The following SNTG1 variants were observed in gnomAD, a reference collection of about 807,000 sequenced individuals.
SNTG1 encodes the protein syntrophin gamma 1.
A neutral mutation model predicts 74.7 loss-of-function variants in SNTG1; 39 were observed. That is an observed-to-expected ratio of 0.52 (90% CI 0.40 to 0.68). SNTG1 has a LOEUF of 0.68. Ranked by LOEUF, SNTG1 falls within the 30% of genes least tolerant of loss-of-function variation. The probability of loss-of-function intolerance (pLI) is 0.00; values close to 1 mark genes in which losing one functional copy is unlikely to be tolerated. For missense variants in SNTG1, 685 were observed against 609.5 expected (o/e 1.12, Z -1.30); for synonymous variants, 254 against 217.1 (o/e 1.17, Z -1.49).
At chr8:50,456,783 A>G (rs1431043090) in intron 8 of SNTG1, among the ~76,000 whole-genome samples, 4 of 152,120 alleles carry the variant, frequency 2.6e-5, no homozygotes, top group Admixed American at 2.6e-4. Flanking sequence ...GGAGGGCCCC[A>G]GCCGATTTCC....
chr8:50,243,452 C>T (rs562185255), intron 2 of SNTG1, among the ~76,000 whole-genome samples: 1 of 152,272 alleles, frequency 6.6e-6, no homozygotes, highest in South Asian at 2.1e-4. Flanking sequence ...TCCATCTCTA[C>T]TGTATCCATC....
chr8:50,478,514 A>G (rs57342544), intron 8 of SNTG1, among the ~76,000 whole-genome samples: 318 of 152,302 alleles, frequency 2.1e-3, no homozygotes, highest in African/African-American at 7.4e-3. Flanking sequence ...GCCACTTCCT[A>G]ATCACTAGTT....
At chr8:50,402,539 C>T (rs4367560) in intron 4 of SNTG1, among the ~76,000 whole-genome samples, 195 bp downstream of exon 4, 144,137 of 152,226 alleles carry the variant, frequency 0.95, 68,515 homozygotes, top group Non-Finnish European at 1. Flanking sequence ...ACACATATTT[C>T]GGGCCCATCT....
intron 2 of SNTG1, among the ~76,000 whole-genome samples, chr8:50,269,063 C>T (rs532631235): frequency 5.9e-5 from 9 of 152,230 alleles, no homozygotes; most frequent in South Asian, 2.1e-4. Flanking sequence ...GTAAAAGGGG[C>T]TAAACCTTAC....
At chr8:50,198,283 G>A (rs190448290) in intron 2 of SNTG1, among the ~76,000 whole-genome samples, 1 of 152,212 alleles carries the variant, frequency 6.6e-6, no homozygotes, top group Non-Finnish European at 1.5e-5. Context: ...TGGCAGTGGG[G>A]AGAAGGGAAA....
chr8:50,725,921 G>A (rs1171217517), intron 17 of SNTG1, among the ~76,000 whole-genome samples: 1 of 152,158 alleles, frequency 6.6e-6, no homozygotes, highest in Non-Finnish European at 1.5e-5. Flanking sequence ...CGCTTCCTGA[G>A]TGTGACTGTA....
intron 1 of SNTG1, among the ~76,000 whole-genome samples, chr8:49,935,100 C>T (rs777113952): frequency 4.0e-5 from 6 of 151,690 alleles, no homozygotes. Context: ...ATAAAACTGA[C>T]CAAACAGTTG....
intron 1 of SNTG1, among the ~76,000 whole-genome samples, chr8:49,962,254 A>T (rs186870791): frequency 1.3e-5 from 2 of 151,800 alleles, no homozygotes; most frequent in African/African-American, 4.8e-5. Flanking sequence ...AGCAGATGAG[A>T]CTAGCCCTGG....
At chr8:50,025,071 A>G (rs954119369) in intron 1 of SNTG1, among the ~76,000 whole-genome samples, 1 of 152,142 alleles carries the variant, frequency 6.6e-6, no homozygotes, top group Non-Finnish European at 1.5e-5. Context: ...TACCAGTTGT[A>G]TTTACTGAAA....
intron 1 of SNTG1, among the ~76,000 whole-genome samples, chr8:50,112,221 C>T (rs1383289410): frequency 6.6e-6 from 1 of 151,860 alleles, no homozygotes; most frequent in East Asian, 1.9e-4. Context: ...TGTAATCACC[C>T]TAATTATAAT....
intron 18 of SNTG1, among the ~76,000 whole-genome samples, chr8:50,753,479 G>A (rs1478908153): frequency 6.6e-6 from 1 of 151,956 alleles, no homozygotes. Context: ...CAGCGGTACA[G>A]TATTCAGTTG....
At chr8:50,368,085 C>T (rs1207615617) in intron 2 of SNTG1, among the ~76,000 whole-genome samples, 1 of 152,022 alleles carries the variant, frequency 6.6e-6, no homozygotes, top group Non-Finnish European at 1.5e-5. Flanking sequence ...GGGCTTCACT[C>T]TTCTTAGAAA....
At chr8:50,413,196 G>C (rs148893930) in intron 4 of SNTG1, among the ~76,000 whole-genome samples, 1 of 152,012 alleles carries the variant, frequency 6.6e-6, no homozygotes, top group South Asian at 2.1e-4. Flanking sequence ...AGTTCAAGAG[G>C]GTTATGATCA....
chr8:50,757,250 A>G (rs72645837), intron 18 of SNTG1, among the ~76,000 whole-genome samples: 14,716 of 151,876 alleles, frequency 0.097, 781 homozygotes, highest in Middle Eastern at 0.14. Flanking sequence ...GATGTAATAC[A>G]TTAATTGAAT....
intron 13 of SNTG1, among the ~76,000 whole-genome samples, chr8:50,632,975 C>G (rs2095012688): frequency 6.6e-6 from 1 of 152,118 alleles, no homozygotes; most frequent in Non-Finnish European, 1.5e-5. Context: ...CCTTTCATGG[C>G]CTATAACAAT....
intron 2 of SNTG1, among the ~76,000 whole-genome samples, 151 bp from the exon 3 acceptor site, chr8:50,394,061 C>T (rs1488262388): frequency 6.6e-6 from 1 of 152,202 alleles, no homozygotes; most frequent in Non-Finnish European, 1.5e-5. Flanking sequence ...ATTTTCCTCT[C>T]TTCAGTATAC....
chr8:50,613,293 T>G (rs1239866034), intron 13 of SNTG1, among the ~76,000 whole-genome samples: 1 of 152,156 alleles, frequency 6.6e-6, no homozygotes, highest in Non-Finnish European at 1.5e-5. Flanking sequence ...GAGTTTAGGG[T>G]ACCTTTATTT....
intron 2 of SNTG1, among the ~76,000 whole-genome samples, chr8:50,210,359 A>G (rs531864444): frequency 2.0e-5 from 3 of 152,342 alleles, no homozygotes; most frequent in Admixed American, 2.0e-4. Context: ...CAACATTCAA[A>G]TACAGGAAGT....
rs1368697741 is a variant in SNTG1, at chr8:50,167,828, A to AG, written c.-102-4731dup. On this transcript the variant is annotated intron_variant, in intron 1 of 18. Transcript: ENST00000642720. ...ATTCTATCTCAAAAAAAAAAAAAAA[A>AG]GGTAAAGAAAAAAAGAAAGAATAAA... Among the ~76,000 whole-genome samples the AG allele has an allele frequency of 4.7e-5, 7 of 150,272 alleles. No individual in the cohort carries two copies. In the East Asian group the frequency reaches 1.4e-3, roughly 29 times the overall value.
Sources: allele counts gnomAD v4.1 joint callset (sites outside exome capture counted in the v4.1 genomes callset), GRCh38; gene constraint gnomAD v4.1.1; transcripts MANE v1.5; gene names NCBI Gene and HGNC (gene_info 2026-07-23, HGNC 2026-07-21).